NKAIN3: variants seen among roughly 807,000 people sequenced by gnomAD.
NKAIN3 encodes sodium/potassium transporting ATPase interacting 3, also known as sodium/potassium-transporting ATPase subunit beta-1-interacting protein 3.
Under a neutral mutation model 30.2 loss-of-function variants are expected in NKAIN3, and 25 were observed. The ratio of observed to expected loss-of-function variants is 0.83; its 90% CI spans 0.60 to 1.16. NKAIN3 has a LOEUF of 1.16. NKAIN3 is among the 50% of genes most tolerant of loss of function. The pLI, the probability that NKAIN3 is intolerant of heterozygous loss-of-function variation, is 0.00. For synonymous variants in NKAIN3, 91 were observed against 89.6 expected (o/e 1.02, Z -0.09); for missense variants, 225 against 254.1 (o/e 0.89, Z 0.78).
intron 3 of NKAIN3, among the ~76,000 whole-genome samples, chr8:62,595,612 T>C (rs1056895803): frequency 4.6e-5 from 7 of 151,998 alleles, no homozygotes; most frequent in Admixed American, 3.9e-4. Context: ...GCTCTCTGAT[T>C]GGTCGGGTGT....
At chr8:62,251,997 A>T (rs1296292176) in intron 1 of NKAIN3, among the ~76,000 whole-genome samples, 1 of 152,210 alleles carries the variant, frequency 6.6e-6, no homozygotes, top group African/African-American at 2.4e-5. Context: ...TAATGGCTGT[A>T]TTTAACAACT....
chr8:62,839,531 A>G (rs1418782223), intron 4 of NKAIN3, among the ~76,000 whole-genome samples: 1 of 152,154 alleles, frequency 6.6e-6, no homozygotes. Context: ...TATCAAATAA[A>G]TGAAATCAGA....
intron 1 of NKAIN3, among the ~76,000 whole-genome samples, chr8:62,536,941 C>T (rs1245352847): frequency 1.3e-5 from 2 of 152,160 alleles, no homozygotes; most frequent in East Asian, 3.9e-4. Flanking sequence ...CCTCTGCTCT[C>T]CCATCAGGAG....
chr8:62,373,669 AAAG>A (rs200535949), intron 1 of NKAIN3, among the ~76,000 whole-genome samples: 4,609 of 152,304 alleles, frequency 0.03, 239 homozygotes, highest in African/African-American at 0.1. Context: ...CACTTACTTA[AAAG>A]AAGATTAAAG....
chr8:62,833,922 C>G (rs879543526), intron 4 of NKAIN3, among the ~76,000 whole-genome samples: 20 of 151,754 alleles, frequency 1.3e-4, no homozygotes, highest in Non-Finnish European at 2.5e-4. Context: ...CAGAAAAATA[C>G]TCAACAAAAT....
rs1454792792 is a variant in NKAIN3, at chr8:62,525,955, G to GT, written c.55-53578dup. On this transcript the variant is annotated intron_variant, in intron 1 of 6. Transcript: ENST00000623646. ...ATTACAGAATACAAGTTACAACACG[G>GT]TTTTTTAGAAAACATCACATTCCCC... Among the ~76,000 whole-genome samples the GT allele has an allele frequency of 2.6e-5, 4 of 152,212 alleles. No individual in the cohort carries two copies. In the East Asian group the frequency reaches 7.7e-4, roughly 29 times the overall value.
intron 1 of NKAIN3, among the ~76,000 whole-genome samples, chr8:62,368,498 C>T (rs542856091): frequency 1.3e-5 from 2 of 152,196 alleles, no homozygotes; most frequent in East Asian, 1.9e-4. Flanking sequence ...TCCACATGCA[C>T]GTGAAAGTTG....
chr8:62,396,304 G>A (rs375818730), intron 1 of NKAIN3, among the ~76,000 whole-genome samples: 7 of 152,238 alleles, frequency 4.6e-5, no homozygotes, highest in East Asian at 3.9e-4. Context: ...TCAGTTTAGA[G>A]AAGTCCCCTC....
At chr8:62,601,906 A>G (rs958446259) in intron 3 of NKAIN3, among the ~76,000 whole-genome samples, 4 of 152,084 alleles carry the variant, frequency 2.6e-5, no homozygotes, top group African/African-American at 9.6e-5. Flanking sequence ...TTCTAAAAAT[A>G]CAGTCCTCAG....
intron 1 of NKAIN3, among the ~76,000 whole-genome samples, chr8:62,524,472 A>G (rs1413377187): frequency 2.0e-5 from 3 of 152,150 alleles, no homozygotes; most frequent in African/African-American, 7.2e-5. Flanking sequence ...ACCCTGAAGG[A>G]ACACATTGGC....
At chr8:62,278,958 T>A (rs1813070823) in intron 1 of NKAIN3, among the ~76,000 whole-genome samples, 1 of 152,202 alleles carries the variant, frequency 6.6e-6, no homozygotes, top group African/African-American at 2.4e-5. Context: ...CACCACACTG[T>A]CTTCCACCAT....
intron 1 of NKAIN3, among the ~76,000 whole-genome samples, chr8:62,293,500 C>A (rs1813721313): frequency 6.6e-6 from 1 of 152,184 alleles, no homozygotes. Context: ...GCTGGAGGTC[C>A]ATTCCAGACC....
chr8:62,932,408 G>A (rs13266212), intron 5 of NKAIN3, among the ~76,000 whole-genome samples: 22,373 of 152,196 alleles, frequency 0.15, 2,114 homozygotes, highest in African/African-American at 0.25. Context: ...TGCAGAAAAC[G>A]TAAGCAGAGG....
intron 3 of NKAIN3, among the ~76,000 whole-genome samples, chr8:62,681,710 C>A (rs1263736404): frequency 2.0e-5 from 3 of 152,112 alleles, no homozygotes; most frequent in Non-Finnish European, 4.4e-5. Context: ...TTCTAATGAT[C>A]TTCTATGTCA....
intron 3 of NKAIN3, among the ~76,000 whole-genome samples, chr8:62,591,403 C>T (rs914947767): frequency 1.3e-4 from 20 of 151,834 alleles, no homozygotes; most frequent in African/African-American, 4.8e-4. Context: ...TAATAGTAGT[C>T]AGTGTTTATT....
At chr8:62,870,745 AGAT>A (rs1820615457) in intron 4 of NKAIN3, among the ~76,000 whole-genome samples, 1 of 141,510 alleles carries the variant, frequency 7.1e-6, no homozygotes, top group Non-Finnish European at 1.5e-5. Flanking sequence ...ATATATATCT[AGAT>A]ATCTAGATAT....
intron 1 of NKAIN3, among the ~76,000 whole-genome samples, chr8:62,499,571 C>T (rs1302250986): frequency 2.0e-5 from 3 of 152,068 alleles, no homozygotes; most frequent in African/African-American, 7.2e-5. Flanking sequence ...TTTCATGTGG[C>T]ACCATGGAAG....
At chr8:62,389,828 C>CCT (rs2129594495) in intron 1 of NKAIN3, among the ~76,000 whole-genome samples, 1 of 152,206 alleles carries the variant, frequency 6.6e-6, no homozygotes, top group South Asian at 2.1e-4. Context: ...GCAGTAGTGC[C>CCT]TTATCTTAGA....
Position 62,925,734 on chromosome 8 carries a change from G to C in NKAIN3, c.532+7221G>C, listed in dbSNP as rs182677848. Among the ~76,000 whole-genome samples, 302 of 152,216 alleles carry C rather than the reference G, an allele frequency of 2.0e-3. 1 individual carries two copies. The highest frequency in any genetic ancestry group is 4.6e-3 in the Admixed American group (71 of 15,290). ...CTGCAGTTCTATAGATGATGCTTTT[G>C]GGTGGGGGTGATTTCAACGTGTGAT... On this transcript the variant is annotated intron_variant, in intron 5 of 6. Transcript: ENST00000623646.
Sources: gnomAD v4.1 joint callset for allele counts (sites outside exome capture counted in the v4.1 genomes callset) on GRCh38, gnomAD v4.1.1 for gene constraint, MANE v1.5 for transcripts, NCBI Gene and HGNC (gene_info 2026-07-23, HGNC 2026-07-21) for gene names.